Variants in KLHDC1 observed in about 807,000 individuals in gnomAD.
KLHDC1 encodes the protein kelch domain-containing protein 1.
Under a neutral mutation model 68.3 loss-of-function variants are expected in KLHDC1, and 53 were observed. The observed-to-expected ratio is 0.78, with a 90% confidence interval of 0.62 to 0.98. The LOEUF (loss-of-function observed/expected upper bound fraction) is 0.98. Among genes scored for constraint, KLHDC1 ranks in the 50% least tolerant of loss-of-function variants. The pLI, the probability that KLHDC1 is intolerant of heterozygous loss-of-function variation, is 0.00. For synonymous variants in KLHDC1, 148 were observed against 159.0 expected (o/e 0.93, Z 0.52); for missense variants, 470 against 492.3 (o/e 0.95, Z 0.43).
chr14:49,717,297 A>G (rs145427901), intron 4 of KLHDC1, among the ~76,000 whole-genome samples: 4 of 152,322 alleles, frequency 2.6e-5, no homozygotes, highest in African/African-American at 9.6e-5. Flanking sequence ...ACTATTTTCC[A>G]TAGTGACTAT....
chr14:49,693,705 C>A (rs114806180), intron 1 of KLHDC1, among the ~76,000 whole-genome samples: 1 of 148,594 alleles, frequency 6.7e-6, no homozygotes, highest in African/African-American at 2.5e-5. Context: ...AATAAAATAT[C>A]GAAATCACTG....
intron 1 of KLHDC1, among the ~76,000 whole-genome samples, chr14:49,698,497 C>G (rs555137879): frequency 6.7e-6 from 1 of 148,614 alleles, no homozygotes; most frequent in South Asian, 2.2e-4. Flanking sequence ...CCACCGCGCT[C>G]GGCCTTTGTT....
chr14:49,709,117 G>C lies in KLHDC1; in HGVS notation c.97-42G>C, dbSNP rs766686363. 1.4e-5 allele frequency: 12 copies of C among 844,302 alleles called. No individual in the cohort carries two copies. The East Asian group carries it at 1.9e-4, about 13-fold the overall frequency. The allele number at this position is 844,302 out of a possible 1,614,324, so 52.3% of individuals were successfully genotyped here. On this transcript the variant is annotated intron_variant, in intron 1 of 12. Coordinates refer to ENST00000359332, the MANE Select transcript of KLHDC1 (RefSeq NM_172193.3). Reference sequence around the variant, plus strand: ...CTGAGAAGCTGTGTAACTGTTTGCTGTGTAACTGATAAACATAATTTTATG... The same window carrying C: ...CTGAGAAGCTGTGTAACTGTTTGCTCTGTAACTGATAAACATAATTTTATG...
rs1447431089 is a variant in KLHDC1 at position 49,734,522 on chromosome 14, T to C, written c.824-67T>C. The C allele has an allele frequency of 5.7e-6, 5 of 870,368 alleles. No individual in the cohort carries two copies. In the Admixed American group the frequency reaches 9.3e-5, roughly 16 times the overall value. 53.9% of individuals were successfully genotyped at this position (870,368 alleles called of 1,614,324 possible). ...GTCATTTAAATGTAGCATGATAAATTGGGGGGAAAATTAAAATTGTATCCC... is the reference window on the plus strand; with the variant it reads ...GTCATTTAAATGTAGCATGATAAATCGGGGGGAAAATTAAAATTGTATCCC... On this transcript the variant is annotated intron_variant, in intron 9 of 12. Transcript: ENST00000359332.
intron 12 of KLHDC1, among the ~76,000 whole-genome samples, chr14:49,750,782 A>G (rs1051139051): frequency 5.9e-5 from 9 of 152,156 alleles, no homozygotes; most frequent in African/African-American, 1.4e-4. Flanking sequence ...ACTTGGAAGG[A>G]TACTGCCCTC....
chr14:49,696,781 C>T (rs1414978056), intron 1 of KLHDC1, among the ~76,000 whole-genome samples: 1 of 152,180 alleles, frequency 6.6e-6, no homozygotes, highest in Non-Finnish European at 1.5e-5. Context: ...ACTTGGCTAA[C>T]TGGCACAAGA....
chr14:49,735,945 G>A lies in KLHDC1; in HGVS notation c.896+1284G>A, dbSNP rs138950839. On this transcript the variant is annotated intron_variant, in intron 10 of 12. Transcript: ENST00000359332. ...TGGGAGGATCACTTGATCCCAGGAGGTTGAGGCTGCAGTGAGCTGAGATTG... is the reference window on the plus strand; with the variant it reads ...TGGGAGGATCACTTGATCCCAGGAGATTGAGGCTGCAGTGAGCTGAGATTG... Among the ~76,000 whole-genome samples the A allele has an allele frequency of 1.3e-4, 20 of 152,224 alleles. No homozygotes were observed. The East Asian group carries it at 3.3e-3, about 25-fold the overall frequency.
intron 1 of KLHDC1, among the ~76,000 whole-genome samples, chr14:49,698,821 G>A (rs1192254416): frequency 6.6e-6 from 1 of 151,856 alleles, no homozygotes; most frequent in Admixed American, 6.6e-5. Flanking sequence ...TGGCCTAAAT[G>A]TCTGAATTTT....
chr14:49,745,927 C>G (rs148740088), intron 12 of KLHDC1, among the ~76,000 whole-genome samples: 1 of 152,110 alleles, frequency 6.6e-6, no homozygotes, highest in Non-Finnish European at 1.5e-5. Flanking sequence ...TAGACAATTC[C>G]TCTGGCAACA....
chr14:49,709,548 A>T, intron 2 of KLHDC1, among the ~76,000 whole-genome samples, 161 bp from the exon 3 acceptor site: 1 of 150,828 alleles, frequency 6.6e-6, no homozygotes, highest in Non-Finnish European at 1.5e-5. Flanking sequence ...AAAAAGTTTT[A>T]CCCTGGATCT....
chr14:49,738,277 A>G (rs1888978953), intron 10 of KLHDC1, among the ~76,000 whole-genome samples: 2 of 151,810 alleles, frequency 1.3e-5, no homozygotes, highest in African/African-American at 4.8e-5. Flanking sequence ...AATAATTTGT[A>G]TATCTAATGA....
At chr14:49,740,014 G>A in intron 10 of KLHDC1, 84 bp from the exon 11 acceptor site, 1 of 705,800 alleles carries the variant, frequency 1.4e-6, no homozygotes, top group Non-Finnish European at 2.3e-6. Context: ...ACATTTTAGA[G>A]TATGAAATTT....
intron 12 of KLHDC1, among the ~76,000 whole-genome samples, chr14:49,749,111 A>G (rs1468367427): frequency 6.6e-6 from 1 of 152,066 alleles, no homozygotes; most frequent in Admixed American, 6.6e-5. Flanking sequence ...GAGAGATTTT[A>G]TATATAAATC....
intron 12 of KLHDC1, among the ~76,000 whole-genome samples, chr14:49,747,761 T>C (rs534328889): frequency 3.3e-5 from 5 of 152,214 alleles, no homozygotes; most frequent in South Asian, 2.1e-4. Flanking sequence ...TATAACAAAG[T>C]AGCACGCAGC....
intron 4 of KLHDC1, among the ~76,000 whole-genome samples, chr14:49,722,522 A>G (rs1048412705): frequency 6.6e-6 from 1 of 152,202 alleles, no homozygotes; most frequent in Admixed American, 6.5e-5. Flanking sequence ...TCATTGATGG[A>G]CATTTGGGTT....
intron 12 of KLHDC1, among the ~76,000 whole-genome samples, chr14:49,746,213 C>T (rs893028630): frequency 7.9e-5 from 12 of 152,086 alleles, no homozygotes; most frequent in African/African-American, 2.7e-4. Context: ...TGGTTTTGGA[C>T]GTGCTAAGTG....
At chr14:49,727,499 C>G (rs1056833102) in intron 6 of KLHDC1, among the ~76,000 whole-genome samples, 5 of 152,168 alleles carry the variant, frequency 3.3e-5, no homozygotes, top group African/African-American at 1.2e-4. Context: ...GAATTCCTTA[C>G]AGTCCAACTT....
intron 12 of KLHDC1, among the ~76,000 whole-genome samples, chr14:49,746,597 A>G (rs1413295414): frequency 2.0e-5 from 3 of 152,192 alleles, no homozygotes; most frequent in Non-Finnish European, 4.4e-5. Flanking sequence ...TTCACAGTCA[A>G]GGATCCAGTG....
intron 10 of KLHDC1, among the ~76,000 whole-genome samples, chr14:49,738,744 A>G (rs1405114884): frequency 6.6e-6 from 1 of 152,184 alleles, no homozygotes; most frequent in Non-Finnish European, 1.5e-5. Context: ...TAGATTCCCC[A>G]GGTTCCCATG....
Sources: gnomAD v4.1 joint callset for allele counts (sites outside exome capture counted in the v4.1 genomes callset) on GRCh38, gnomAD v4.1.1 for gene constraint, MANE v1.5 for transcripts, NCBI Gene and HGNC (gene_info 2026-07-23, HGNC 2026-07-21) for gene names.